Variants in LRCH1 observed in about 807,000 individuals in gnomAD.
LRCH1 encodes the protein leucine rich repeats and calponin homology domain containing 1.
A neutral mutation model predicts 94.9 loss-of-function variants in LRCH1; 23 were observed. The observed-to-expected ratio is 0.24, with a 90% CI of 0.17 to 0.34. The LOEUF (loss-of-function observed/expected upper bound fraction) is 0.34, where lower values mean the gene tolerates loss of function less well. Among genes scored for constraint, LRCH1 ranks in the 10% least tolerant of loss-of-function variants. The probability of loss-of-function intolerance (pLI) is 1.00; values close to 1 mark genes in which losing one functional copy is unlikely to be tolerated. For synonymous variants in LRCH1, 364 were observed against 354.9 expected (o/e 1.03, Z -0.29); for missense variants, 790 against 945.9 (o/e 0.84, Z 2.16).
chr13:46,701,711 G>A (rs950481833), intron 11 of LRCH1, among the ~76,000 whole-genome samples: 14 of 152,142 alleles, frequency 9.2e-5, no homozygotes, highest in African/African-American at 3.1e-4. Context: ...ATCGATAATA[G>A]GCACTACATT....
At chr13:46,626,596 C>A (rs9567710) in intron 1 of LRCH1, among the ~76,000 whole-genome samples, 74,724 of 151,936 alleles carry the variant, frequency 0.49, 18,806 homozygotes, top group Middle Eastern at 0.59. Context: ...TAATCCACCA[C>A]CCTTTGCTGA....
At chr13:46,683,869 T>C (rs1870463548) in intron 4 of LRCH1, among the ~76,000 whole-genome samples, 1 of 152,206 alleles carries the variant, frequency 6.6e-6, no homozygotes, top group South Asian at 2.1e-4. Context: ...AAAAAATAAC[T>C]TCCTCAATAT....
At chr13:46,597,690 A>T (rs1736946312) in intron 1 of LRCH1, among the ~76,000 whole-genome samples, 1 of 152,076 alleles carries the variant, frequency 6.6e-6, no homozygotes, top group African/African-American at 2.4e-5. Flanking sequence ...GAAGGCTGTG[A>T]TGTGCCTTAT....
At chr13:46,724,898 T>C (rs1872739958) in intron 17 of LRCH1, among the ~76,000 whole-genome samples, 2 of 152,164 alleles carry the variant, frequency 1.3e-5, no homozygotes, top group Admixed American at 1.3e-4. Context: ...AAAAGAAACC[T>C]GCACTCATAT....
chr13:46,715,431 C>A (rs1049080912), intron 15 of LRCH1, 129 bp from the exon 16 acceptor site: 2 of 625,724 alleles, frequency 3.2e-6, no homozygotes, highest in African/African-American at 3.6e-5. Flanking sequence ...GAAATTAAAC[C>A]CCATATAAAT....
intron 1 of LRCH1, among the ~76,000 whole-genome samples, chr13:46,587,927 T>C (rs2050453174): frequency 6.6e-6 from 1 of 152,182 alleles, no homozygotes; most frequent in African/African-American, 2.4e-5. Context: ...ACGGTTTCCA[T>C]TTCATTGTGG....
chr13:46,628,391 A>C (rs1337277334), intron 1 of LRCH1, among the ~76,000 whole-genome samples: 1 of 152,132 alleles, frequency 6.6e-6, no homozygotes, highest in African/African-American at 2.4e-5. Flanking sequence ...TAATCCCAGC[A>C]CTTTGGGAGG....
intron 1 of LRCH1, among the ~76,000 whole-genome samples, chr13:46,624,815 G>A (rs1444814680): frequency 6.6e-6 from 1 of 152,210 alleles, no homozygotes; most frequent in Non-Finnish European, 1.5e-5. Flanking sequence ...CAACTCCAAC[G>A]ATGTTAGCTA....
downstream of LRCH1, chr13:46,744,976 G>A (rs1873852965): frequency 1.1e-6 from 1 of 882,944 alleles, no homozygotes; most frequent in Non-Finnish European, 1.4e-6. Context: ...GTTCATTTTT[G>A]TGTTCATTCC....
intron 1 of LRCH1, among the ~76,000 whole-genome samples, chr13:46,618,321 T>G (rs1254843447): frequency 2.0e-5 from 3 of 152,128 alleles, no homozygotes; most frequent in African/African-American, 7.2e-5. Context: ...ACAGTAAAAC[T>G]AAGGCATAAA....
chr13:46,635,996 G>GT (rs2051082998), intron 1 of LRCH1, among the ~76,000 whole-genome samples: 1 of 140,042 alleles, frequency 7.1e-6, no homozygotes, highest in South Asian at 2.4e-4. Flanking sequence ...TCTTTGCAAA[G>GT]TTTTTAAAGC....
chr13:46,652,832 G>T (rs183630095), intron 2 of LRCH1, among the ~76,000 whole-genome samples: 1 of 152,232 alleles, frequency 6.6e-6, no homozygotes, highest in East Asian at 1.9e-4. Flanking sequence ...AGAAACTTTT[G>T]GGTATAGATA....
chr13:46,714,661 C>G (rs1165158913), intron 15 of LRCH1, among the ~76,000 whole-genome samples: 2 of 152,014 alleles, frequency 1.3e-5, no homozygotes. Flanking sequence ...CTGCACACAC[C>G]CAAATATTTA....
At chr13:46,662,183 G>A (rs925197370) in intron 2 of LRCH1, among the ~76,000 whole-genome samples, 47 of 152,122 alleles carry the variant, frequency 3.1e-4, no homozygotes, top group Admixed American at 2.8e-3. Flanking sequence ...AAGCAAAGTA[G>A]GAATACCTTC....
chr13:46,559,377 T>G (rs191512238), intron 1 of LRCH1, among the ~76,000 whole-genome samples: 127 of 152,356 alleles, frequency 8.3e-4, no homozygotes, highest in Non-Finnish European at 1.2e-3. Flanking sequence ...TTCTAAATAT[T>G]CTTCCATTCA....
chr13:46,716,927 G>C (rs1872351719), intron 16 of LRCH1, among the ~76,000 whole-genome samples: 1 of 151,476 alleles, frequency 6.6e-6, no homozygotes, highest in Non-Finnish European at 1.5e-5. Context: ...ATGGAGGGGA[G>C]GCATTTTTGT....
At chr13:46,704,504 G>A (rs1871649776) in intron 11 of LRCH1, among the ~76,000 whole-genome samples, 1 of 151,972 alleles carries the variant, frequency 6.6e-6, no homozygotes, top group Non-Finnish European at 1.5e-5. Context: ...TGTTTAAGAT[G>A]ACTTTGTAAA....
Position 46,737,254 on chromosome 13 carries a change from G to A in LRCH1, c.2085+3256G>A, listed in dbSNP as rs1005123390. On this transcript the variant is annotated intron_variant, in intron 19 of 19. Coordinates refer to ENST00000389797, the MANE Select transcript of LRCH1 (RefSeq NM_001164211.2). Reference sequence around the variant, plus strand: ...TTAGTGGGTGAGACTATCCCTCCACGACATTTAAAAAAATTTGTTATGATT... The same window carrying A: ...TTAGTGGGTGAGACTATCCCTCCACAACATTTAAAAAAATTTGTTATGATT... Among the ~76,000 whole-genome samples the A allele has an allele frequency of 2.6e-5, 4 of 152,194 alleles. 1 individual carries two copies. The East Asian group carries it at 7.7e-4, about 29-fold the overall frequency.
chr13:46,664,083 G>T (rs1262461586), intron 2 of LRCH1, among the ~76,000 whole-genome samples: 1 of 152,182 alleles, frequency 6.6e-6, no homozygotes, highest in African/African-American at 2.4e-5. Flanking sequence ...TACATGGTTT[G>T]TTTGGGCCTG....
Sources: gnomAD v4.1 joint callset for allele counts (sites outside exome capture counted in the v4.1 genomes callset) on GRCh38, gnomAD v4.1.1 for gene constraint, MANE v1.5 for transcripts, NCBI Gene and HGNC (gene_info 2026-07-23, HGNC 2026-07-21) for gene names.